Variants in RAB11B observed in about 807,000 individuals in gnomAD.
RAB11B encodes the protein RAB11B, member RAS oncogene family.
RAB11B carries 7 observed loss-of-function variants against 23.7 expected under a neutral mutation model. The observed-to-expected ratio is 0.29, with a 90% CI of 0.17 to 0.55. RAB11B has a LOEUF of 0.55. Among genes scored for constraint, RAB11B ranks in the 20% least tolerant of loss-of-function variants. The pLI is 0.93. For synonymous variants in RAB11B, 138 were observed against 132.0 expected (o/e 1.05, Z -0.31); for missense variants, 189 against 320.0 (o/e 0.59, Z 3.12).
At chr19:8,395,945 G>A (rs1217597925) in intron 1 of RAB11B, among the ~76,000 whole-genome samples, 1 of 152,212 alleles carries the variant, frequency 6.6e-6, no homozygotes, top group Non-Finnish European at 1.5e-5. Context: ...CCAGGCGGTG[G>A]CTCCAGACAA....
intron 1 of RAB11B, chr19:8,390,816 G>A (rs113090151): frequency 0.016 from 2,563 of 159,800 alleles, 73 homozygotes; most frequent in African/African-American, 0.056. Context: ...CGTGATTCGG[G>A]ATGGGGGCGG....
Position 8,396,956 on chromosome 19 carries a change from CGCCCAGG to C in RAB11B, c.41-2905_41-2899del. 6.6e-6 allele frequency among the ~76,000 whole-genome samples: 1 copy of C among 152,320 alleles called. No homozygotes were observed. The highest frequency in any genetic ancestry group is 2.1e-4 in the South Asian group (1 of 4,824). On this transcript the variant is annotated intron_variant, in intron 1 of 4. Transcript: ENST00000328024. This position sits in a 1 kb window ranked among gnomAD's most constrained non-coding sequence, Gnocchi z 5.0. ...AGGGTCTGAGAGTCTGGAATGGAAT[CGCCCAGG>C]GAGACATGGTGGGGTGCACCCCTCG...
chr19:8,390,681 C>T lies in RAB11B; in HGVS notation c.40+225C>T, dbSNP rs948550690. On this transcript the variant is annotated intron_variant, in intron 1 of 4. Coordinates refer to ENST00000328024, the MANE Select transcript of RAB11B (RefSeq NM_004218.4). Reference sequence around the variant, plus strand: ...CCGGAGAGACCTGGGGGACCTAGGACGCGCCGGGGCGGGGCCAGAGCCTAG... The same window carrying T: ...CCGGAGAGACCTGGGGGACCTAGGATGCGCCGGGGCGGGGCCAGAGCCTAG... 166 of 423,520 alleles carry T rather than the reference C, an allele frequency of 3.9e-4. 1 individual carries two copies. Among genetic ancestry groups the T allele is most frequent in the Middle Eastern group, 1.3e-3 (2 of 1,498 alleles). The allele number at this position is 423,520 out of a possible 1,614,324, so 26.2% of individuals were successfully genotyped here. A position where few individuals can be genotyped will look rare whatever the true frequency, so the allele number is the denominator to read the frequency against.
chr19:8,403,512 C>T lies in RAB11B; in HGVS notation c.611C>T (p.Thr204Met), dbSNP rs377033835. 3.1e-5 allele frequency: 50 copies of T among 1,613,860 alleles called. No homozygotes were observed. The Admixed American group carries it at 3.3e-4, about 11-fold the overall frequency. ...GTGGACATCAGCGTGCCGCCCACCA[C>T]GGACGGACAGAAGCCCAACAAGCTG... ...NVVDISVPPT[T>M]DGQKPNKLQC... The change falls in exon 5 of 5, where the codon ACG becomes ATG. Residue 204 changes from threonine (T) to methionine (M), a missense_variant. By Grantham distance (81) the Thr-to-Met change is moderately conservative (BLOSUM62 -1). This residue lies in a region of RAB11B where 122 missense variants were observed against 170.8 expected (regional missense o/e 0.71). Transcript: ENST00000328024.
At chr19:8,393,673 G>A (rs974253113) in intron 1 of RAB11B, among the ~76,000 whole-genome samples, 15 of 152,326 alleles carry the variant, frequency 9.8e-5, no homozygotes, top group Admixed American at 5.2e-4. Context: ...TGAGACAAGA[G>A]TGGCCCCCAG....
chr19:8,395,356 C>T (rs1304426195), intron 1 of RAB11B, among the ~76,000 whole-genome samples: 1 of 150,400 alleles, frequency 6.6e-6, no homozygotes, highest in Non-Finnish European at 1.5e-5. Flanking sequence ...TCACTGCAAC[C>T]TCCGCCTCCC....
At chr19:8,393,965 C>T (rs1971377926) in intron 1 of RAB11B, among the ~76,000 whole-genome samples, 1 of 152,234 alleles carries the variant, frequency 6.6e-6, no homozygotes, top group Non-Finnish European at 1.5e-5. Context: ...GGTCGCTTCC[C>T]AGCCAGTGAA....
intron 1 of RAB11B, chr19:8,390,781 T>TTGGC (rs1314686919): frequency 1.1e-5 from 3 of 262,394 alleles, no homozygotes; most frequent in Non-Finnish European, 2.1e-5. Flanking sequence ...TTCCCAAGAT[T>TTGGC]TGGCGGGCCG....
Position 8,402,244 on chromosome 19 carries a change from G to A in RAB11B, c.395G>A (p.Arg132Gln). The A allele has an allele frequency of 6.4e-7, 1 of 1,566,176 alleles. No individual in the cohort carries two copies. Among genetic ancestry groups the A allele is most frequent in the Non-Finnish European group, 8.7e-7 (1 of 1,155,974 alleles). Reference protein sequence around the residue: ...VGNKSDLRHLRAVPTDEARAF... With the variant: ...VGNKSDLRHLQAVPTDEARAF... ...AACAAGAGTGACCTGCGCCACCTGC[G>A]GGCTGTGCCCACTGACGAGGCCCGC... The change falls in exon 3 of 5, where the codon CGG becomes CAG. Residue 132 changes from arginine (R) to glutamine (Q), a missense_variant. Transcript: ENST00000328024.
rs74176644 is a variant in RAB11B at position 8,392,685 on chromosome 19, C to CTTTTTTTTTTTTTT, written c.40+2238_40+2251dup. On this transcript the variant is annotated intron_variant, in intron 1 of 4. Transcript: ENST00000328024. ...ATATTTTTCTTTTCCTTTTTCTTTT[C>CTTTTTTTTTTTTTT]TTTTTTTTTTTTTTTTTTTTTTGAG... is the stretch of plus-strand genomic sequence containing the variant. Among the ~76,000 whole-genome samples, 369 of 79,580 alleles carry CTTTTTTTTTTTTTT rather than the reference C, an allele frequency of 4.6e-3. 24 individuals are homozygous for CTTTTTTTTTTTTTT. Among genetic ancestry groups the CTTTTTTTTTTTTTT allele is most frequent in the Non-Finnish European group, 4.8e-3 (213 of 44,346 alleles). The allele number at this position is 79,580 out of a possible 152,430, so 52.2% of individuals were successfully genotyped here. A position where few individuals can be genotyped will look rare whatever the true frequency, so the allele number is the denominator to read the frequency against.
intron 1 of RAB11B, among the ~76,000 whole-genome samples, chr19:8,393,075 G>T (rs989264897): frequency 6.6e-6 from 1 of 151,320 alleles, no homozygotes; most frequent in Non-Finnish European, 1.5e-5. Flanking sequence ...CCCGGGTGAT[G>T]CCCCGTGTGC....
intron 4 of RAB11B, chr19:8,402,825 C>T: frequency 1.8e-6 from 1 of 564,290 alleles, no homozygotes; most frequent in Non-Finnish European, 3.1e-6. Flanking sequence ...ACCACACCCG[C>T]TAATTTTTGT....
In RAB11B at chr19:8,404,290, AAC is replaced by A. The variant is rs1021474802; in HGVS notation, c.*736_*737del. 6.6e-6 allele frequency: 1 copy of A among 152,108 alleles called. No homozygotes were observed. Among genetic ancestry groups the A allele is most frequent in the African/African-American group, 2.4e-5 (1 of 41,384 alleles). 9.4% of individuals were successfully genotyped at this position (152,108 alleles called of 1,614,324 possible). On this transcript the variant is annotated 3_prime_UTR_variant, in exon 5 of 5. Transcript: ENST00000328024. ...CCTTTGGTTTTTGTTAATGTAGAGAAACACAGATTCTTTATACACTTTGTAAG... is the reference window on the plus strand; with the variant it reads ...CCTTTGGTTTTTGTTAATGTAGAGAAACAGATTCTTTATACACTTTGTAAG...
intron 1 of RAB11B, among the ~76,000 whole-genome samples, chr19:8,392,061 CAG>C (rs933197032): frequency 1.3e-5 from 2 of 151,916 alleles, no homozygotes; most frequent in Non-Finnish European, 2.9e-5. Context: ...CGTCTGGAGA[CAG>C]GGGGACTAAA....
chr19:8,392,280 C>T (rs1180462534), intron 1 of RAB11B, among the ~76,000 whole-genome samples: 1 of 152,218 alleles, frequency 6.6e-6, no homozygotes, highest in Non-Finnish European at 1.5e-5. Flanking sequence ...CGAGTGCTTG[C>T]TCAAGTCATG....
rs912921530 is a variant in RAB11B, at chr19:8,396,443, G to A, written c.41-3420G>A. Among the ~76,000 whole-genome samples, 5 of 152,220 alleles carry A rather than the reference G, an allele frequency of 3.3e-5. No individual in the cohort carries two copies. Among genetic ancestry groups the A allele is most frequent in the Admixed American group, 6.5e-5 (1 of 15,278 alleles). ...GATAAATGCCACCTGACAGGTGAGA[G>A]AGTGGCAAGAGTGACGGAGGAAGAA... On this transcript the variant is annotated intron_variant, in intron 1 of 4. Transcript: ENST00000328024. This position sits in a 1 kb window ranked among gnomAD's most constrained non-coding sequence, Gnocchi z 5.0.
intron 2 of RAB11B, chr19:8,400,334 C>T (rs1048613177): frequency 4.0e-6 from 2 of 504,462 alleles, no homozygotes; most frequent in African/African-American, 1.9e-5. Context: ...GCCCAGCCAG[C>T]ATCCCAGCCT....
intron 1 of RAB11B, among the ~76,000 whole-genome samples, chr19:8,391,046 G>A (rs941125755): frequency 2.0e-5 from 3 of 152,130 alleles, no homozygotes; most frequent in African/African-American, 7.2e-5. Context: ...GTGCAAAGCT[G>A]GGATTGAGTG....
intron 1 of RAB11B, among the ~76,000 whole-genome samples, chr19:8,394,650 G>T (rs1250291154): frequency 6.6e-6 from 1 of 152,214 alleles, no homozygotes; most frequent in Non-Finnish European, 1.5e-5. Context: ...AACTGATGGG[G>T]CTGGGTGCCA....
Sources: gnomAD v4.1 joint callset for allele counts (sites outside exome capture counted in the v4.1 genomes callset) on GRCh38, gnomAD v4.1.1 for gene constraint, gnomAD v4.1.1 regional missense constraint, Gnocchi (gnomAD v3.1) non-coding constraint, MANE v1.5 for transcripts, NCBI Gene and HGNC (gene_info 2026-07-23, HGNC 2026-07-21) for gene names.